The following ELL variants were observed in gnomAD, a reference collection of about 807,000 sequenced individuals.
ELL encodes the protein RNA polymerase II elongation factor ELL.
A neutral mutation model predicts 64.0 loss-of-function variants in ELL; 18 were observed. The observed-to-expected ratio is 0.28, with a 90% CI of 0.19 to 0.42. The LOEUF (loss-of-function observed/expected upper bound fraction) is 0.42, where lower values mean the gene tolerates loss of function less well. Among genes scored for constraint, ELL ranks in the 10% least tolerant of loss-of-function variants. The probability of loss-of-function intolerance (pLI) is 1.00; values close to 1 mark genes in which losing one functional copy is unlikely to be tolerated. For synonymous variants in ELL, 399 were observed against 376.2 expected, an observed-to-expected ratio of 1.06 and a Z score of -0.70; for missense variants, 797 against 870.4, an observed-to-expected ratio of 0.92 and a Z score of 1.06.
chr19:18,460,640 C>T (rs1466330293), intron 5 of ELL, among the ~76,000 whole-genome samples: 1 of 152,240 alleles, frequency 6.6e-6, no homozygotes, highest in Non-Finnish European at 1.5e-5. Context: ...CCGAGAGGGA[C>T]GCCTATGAGG....
chr19:18,488,078 C>G (rs939140733), intron 1 of ELL, among the ~76,000 whole-genome samples: 1 of 152,226 alleles, frequency 6.6e-6, no homozygotes, highest in African/African-American at 2.4e-5. Context: ...GACATCCTCA[C>G]CTGGTGGGCC....
In ELL at chr19:18,472,738, C is replaced by T. The variant is rs920212793; in HGVS notation, c.183+97G>A. 4 of 1,446,350 alleles carry T rather than the reference C, an allele frequency of 2.8e-6. No individual in the cohort carries two copies. The East Asian group carries it at 9.2e-5, about 33-fold the overall frequency. 89.6% of individuals were successfully genotyped at this position (1,446,350 alleles called of 1,614,324 possible). On this transcript the variant is annotated intron_variant, in intron 2 of 11. Transcript: ENST00000262809. ...CATGGTGGCAGACAGGGCCCAAACA[C>T]TGCCATGAGCTGCTGCTGTACCCAG... is the stretch of plus-strand genomic sequence containing the variant.
At chr19:18,509,253 C>T (rs1431127370) in intron 1 of ELL, among the ~76,000 whole-genome samples, 2 of 152,042 alleles carry the variant, frequency 1.3e-5, no homozygotes, top group South Asian at 4.2e-4. Flanking sequence ...CCACTGAGAC[C>T]CTAAGGTCAC....
intron 1 of ELL, among the ~76,000 whole-genome samples, chr19:18,516,323 C>T (rs55715336): frequency 6.6e-6 from 1 of 152,066 alleles, no homozygotes; most frequent in East Asian, 1.9e-4. Flanking sequence ...CCCTTCCCTG[C>T]GACAGCACAC....
chr19:18,511,231 C>T (rs1020152811), intron 1 of ELL, among the ~76,000 whole-genome samples: 3 of 151,292 alleles, frequency 2.0e-5, no homozygotes, highest in Admixed American at 1.3e-4. Flanking sequence ...AGCACCACTG[C>T]ACTCCAGCCT....
intron 10 of ELL, 133 bp downstream of exon 10, chr19:18,446,176 C>T: frequency 8.7e-7 from 1 of 1,149,412 alleles, no homozygotes; most frequent in Non-Finnish European, 1.2e-6. Context: ...ATGGAGTGCA[C>T]CAGGGGGAGA....
At position 18,444,512 on chromosome 19, in the gene ELL, G is replaced by A; in HGVS notation, c.*240C>T. ...CTGAACCCCGGAGGCTGCAGCCAGG[G>A]AGGAGGCAGTGGGCTTCCTGGGGAG... On this transcript the variant is annotated 3_prime_UTR_variant, in exon 12 of 12. Transcript: ENST00000262809. 1 of 468,290 alleles carries A rather than the reference G, an allele frequency of 2.1e-6. No individual in the cohort carries two copies. Among genetic ancestry groups the A allele is most frequent in the Non-Finnish European group, 3.8e-6 (1 of 262,634 alleles). 29.0% of individuals were successfully genotyped at this position (468,290 alleles called of 1,614,324 possible).
intron 1 of ELL, among the ~76,000 whole-genome samples, chr19:18,479,708 CAAAAAAAAAAA>C (rs60371809): frequency 1.4e-5 from 1 of 72,836 alleles, no homozygotes; most frequent in East Asian, 4.5e-4. Context: ...GACTCCATCT[CAAAAAAAAAAA>C]AAAAAAAAAA....
chr19:18,486,059 C>A (rs545380303), intron 1 of ELL, among the ~76,000 whole-genome samples: 118 of 152,252 alleles, frequency 7.8e-4, no homozygotes, highest in South Asian at 3.7e-3. Flanking sequence ...TCACGAAGCC[C>A]CTCAGCCACT....
intron 1 of ELL, among the ~76,000 whole-genome samples, chr19:18,482,230 G>GTT (rs898798448): frequency 8.2e-6 from 1 of 122,426 alleles, no homozygotes. Flanking sequence ...AAGTTTTGAG[G>GTT]TTTTTTTTTT....
chr19:18,483,344 T>C (rs112387918), intron 1 of ELL, among the ~76,000 whole-genome samples: 53 of 152,216 alleles, frequency 3.5e-4, no homozygotes, highest in Non-Finnish European at 6.5e-4. Context: ...CAGGTCCTTC[T>C]TCCAGAAGGC....
In ELL at chr19:18,470,255, G is replaced by C. The variant is rs553352089; in HGVS notation, c.183+2580C>G. On this transcript the variant is annotated intron_variant, in intron 2 of 11. Coordinates refer to ENST00000262809, the MANE Select transcript of ELL (RefSeq NM_006532.4). ...GGTCAAGGCACATGGCATGCTGCACGCAAGGACACCACTGTGTGCTTCGGC... is the reference window on the plus strand; with the variant it reads ...GGTCAAGGCACATGGCATGCTGCACCCAAGGACACCACTGTGTGCTTCGGC... Among the ~76,000 whole-genome samples the C allele has an allele frequency of 2.2e-4, 33 of 152,378 alleles. 1 individual carries two copies. Among genetic ancestry groups the C allele is most frequent in the African/African-American group, 1.2e-4 (5 of 41,594 alleles).
chr19:18,446,530 C>T (rs774424938), intron 9 of ELL, 50 bp from the exon 10 acceptor site: 64 of 1,585,416 alleles, frequency 4.0e-5, no homozygotes, highest in Non-Finnish European at 5.4e-5. Context: ...GGACCCAGCC[C>T]CACCCAGGAA....
intron 1 of ELL, among the ~76,000 whole-genome samples, chr19:18,489,947 T>C (rs868090751): frequency 3.3e-5 from 5 of 152,104 alleles, no homozygotes; most frequent in African/African-American, 1.2e-4. Flanking sequence ...AGACGCGCAC[T>C]GAGCAGAGAT....
chr19:18,471,370 T>G (rs752470103), intron 2 of ELL: 15 of 450,378 alleles, frequency 3.3e-5, no homozygotes, highest in Non-Finnish European at 6.7e-5. Flanking sequence ...GAGACTCATC[T>G]CTTAAAAAAC....
At position 18,446,298 on chromosome 19, in the gene ELL, G is replaced by A. The variant is rs1400285147; in HGVS notation, c.1704+11C>T. 6 of 1,562,530 alleles carry A rather than the reference G, an allele frequency of 3.8e-6. No homozygotes were observed. Among genetic ancestry groups the A allele is most frequent in the Non-Finnish European group, 5.2e-6 (6 of 1,157,332 alleles). On this transcript the variant is annotated intron_variant, in intron 10 of 11. Transcript: ENST00000262809. ...AGAGCCAGGGCACAGTAGGCAGCGG[G>A]GGGGCTCTACCTCATACTCCTCGGA...
At chr19:18,491,760 A>C (rs916811722) in intron 1 of ELL, among the ~76,000 whole-genome samples, 8 of 152,070 alleles carry the variant, frequency 5.3e-5, no homozygotes, top group East Asian at 1.9e-4. Flanking sequence ...ACAAAAAAAA[A>C]CAAAAGATTA....
chr19:18,448,198 C>T (rs1375495799), intron 8 of ELL: 1 of 151,780 alleles, frequency 6.6e-6, no homozygotes, highest in African/African-American at 2.4e-5. Context: ...GGCCTCTCAA[C>T]ATGCTGGGAT....
At chr19:18,482,399 C>T (rs1174885280) in intron 1 of ELL, among the ~76,000 whole-genome samples, 4 of 146,522 alleles carry the variant, frequency 2.7e-5, no homozygotes, top group African/African-American at 7.8e-5. Flanking sequence ...CTCACTGCAA[C>T]CTCCGCCTCC....
Sources: allele counts gnomAD v4.1 joint callset (sites outside exome capture counted in the v4.1 genomes callset), GRCh38; gene constraint gnomAD v4.1.1; transcripts MANE v1.5; gene names NCBI Gene and HGNC (gene_info 2026-07-23, HGNC 2026-07-21).